The following GRIN2A variants were observed in gnomAD, a reference collection of about 807,000 sequenced individuals.
The protein encoded by GRIN2A is glutamate receptor ionotropic, NMDA 2A.
In GRIN2A, 22 loss-of-function variants were observed where a neutral mutation model predicts 113.4. The ratio of observed to expected loss-of-function variants is 0.19; its 90% confidence interval spans 0.14 to 0.28. The LOEUF is 0.28. Ranked by LOEUF, GRIN2A falls within the 10% of genes least tolerant of loss-of-function variation. The probability of loss-of-function intolerance (pLI) is 1.00; values close to 1 mark genes in which losing one functional copy is unlikely to be tolerated. For synonymous variants in GRIN2A, 827 were observed against 738.4 expected (o/e 1.12, Z -1.94); for missense variants, 1,502 against 1,887.0 (o/e 0.80, Z 3.78).
chr16:9,968,836 A>G (rs985834979), intron 2 of GRIN2A, among the ~76,000 whole-genome samples: 1 of 151,746 alleles, frequency 6.6e-6, no homozygotes, highest in East Asian at 1.9e-4. Flanking sequence ...CAAACTCCCA[A>G]CCTCAGGTGA....
intron 5 of GRIN2A, among the ~76,000 whole-genome samples, chr16:9,849,290 T>C (rs2042836845): frequency 6.7e-6 from 1 of 148,976 alleles, no homozygotes; most frequent in African/African-American, 2.4e-5. Flanking sequence ...AAATGTTTTC[T>C]ATATTAAAAA....
At chr16:10,059,926 G>C (rs1054957713) in intron 2 of GRIN2A, among the ~76,000 whole-genome samples, 6 of 152,100 alleles carry the variant, frequency 3.9e-5, no homozygotes, top group African/African-American at 1.4e-4. Context: ...GGGACACAGA[G>C]AGAAAAGGAA....
intron 3 of GRIN2A, among the ~76,000 whole-genome samples, chr16:9,924,792 A>G (rs1307637204): frequency 6.6e-6 from 1 of 152,126 alleles, no homozygotes; most frequent in East Asian, 1.9e-4. Context: ...TTCAATGTCA[A>G]ACCTGCCATT....
intron 2 of GRIN2A, among the ~76,000 whole-genome samples, chr16:10,127,009 C>T (rs1448253): frequency 0.85 from 128,924 of 152,154 alleles, 55,368 homozygotes; most frequent in East Asian, 1. Flanking sequence ...CCAATGCTCA[C>T]ACGCTTGCCC....
rs558774634 is a variant in GRIN2A, at chr16:9,990,032, G to A, written c.415-51481C>T. The stretch of plus-strand genomic sequence containing the variant: ...TTCTACCCAGCAATCCCATCACTGG[G>A]TATATGCCCAAAGGAAAATAAATGG... On this transcript the variant is annotated intron_variant, in intron 2 of 12. Transcript: ENST00000330684. 8.3e-4 allele frequency among the ~76,000 whole-genome samples: 127 copies of A among 152,262 alleles called. 3 individuals are homozygous for A. The South Asian group carries it at 0.026, about 31-fold the overall frequency.
intron 2 of GRIN2A, among the ~76,000 whole-genome samples, chr16:10,146,125 A>T (rs1035444307): frequency 2.7e-5 from 4 of 149,978 alleles, no homozygotes; most frequent in Admixed American, 6.7e-5. Flanking sequence ...TTTATTCAAC[A>T]TTTTTTTTTT....
chr16:9,947,529 G>A (rs941066539), intron 2 of GRIN2A, among the ~76,000 whole-genome samples: 10 of 152,210 alleles, frequency 6.6e-5, no homozygotes, highest in Non-Finnish European at 8.8e-5. Flanking sequence ...CTAGGGGCAG[G>A]CCCTGGTGGT....
intron 2 of GRIN2A, among the ~76,000 whole-genome samples, chr16:9,959,835 G>A (rs1219852242): frequency 2.0e-5 from 3 of 152,176 alleles, no homozygotes; most frequent in Non-Finnish European, 4.4e-5. Context: ...CTACCTGGGC[G>A]TGGTGGCGCA....
At chr16:10,063,865 A>G (rs2047596150) in intron 2 of GRIN2A, among the ~76,000 whole-genome samples, 1 of 152,142 alleles carries the variant, frequency 6.6e-6, no homozygotes, top group South Asian at 2.1e-4. Flanking sequence ...CCGGGCTGAT[A>G]ATGGAGCAAA....
At chr16:9,977,419 G>GA (rs1248866702) in intron 2 of GRIN2A, among the ~76,000 whole-genome samples, 1 of 152,092 alleles carries the variant, frequency 6.6e-6, no homozygotes, top group Non-Finnish European at 1.5e-5. Flanking sequence ...CTGTAAAACT[G>GA]AAAAAATAGT....
chr16:9,881,269 T>C (rs1338926169), intron 4 of GRIN2A, among the ~76,000 whole-genome samples: 1 of 152,228 alleles, frequency 6.6e-6, no homozygotes, highest in African/African-American at 2.4e-5. Flanking sequence ...CTTCTTTCCT[T>C]TTCCTCTGTA....
chr16:9,777,640 T>C (rs1372962612), intron 11 of GRIN2A, among the ~76,000 whole-genome samples: 2 of 152,238 alleles, frequency 1.3e-5, no homozygotes, highest in South Asian at 2.1e-4. Flanking sequence ...TTCTGCTCCA[T>C]GGATGAAACT....
intron 2 of GRIN2A, among the ~76,000 whole-genome samples, chr16:10,060,956 G>C (rs939562045): frequency 6.6e-6 from 1 of 152,128 alleles, no homozygotes; most frequent in Non-Finnish European, 1.5e-5. Context: ...ACCCAATGTC[G>C]GTTCTCCTTT....
chr16:9,830,046 T>C (rs1160025518), intron 8 of GRIN2A, among the ~76,000 whole-genome samples: 2 of 152,206 alleles, frequency 1.3e-5, no homozygotes, highest in African/African-American at 4.8e-5. Flanking sequence ...TCCAAATTCA[T>C]CGGATGTGCT....
chr16:9,953,726 A>G (rs2045236384), intron 2 of GRIN2A, among the ~76,000 whole-genome samples: 1 of 152,140 alleles, frequency 6.6e-6, no homozygotes, highest in Non-Finnish European at 1.5e-5. Flanking sequence ...AAGCCACGGG[A>G]GTAGAGAGCT....
intron 2 of GRIN2A, among the ~76,000 whole-genome samples, chr16:10,091,511 G>A (rs1390924608): frequency 2.6e-5 from 4 of 151,670 alleles, no homozygotes; most frequent in Non-Finnish European, 5.9e-5. Context: ...AAATTAGCTG[G>A]GTGTGGTAGT....
At chr16:9,903,049 AC>A (rs550959002) in intron 3 of GRIN2A, among the ~76,000 whole-genome samples, 67 of 147,662 alleles carry the variant, frequency 4.5e-4, no homozygotes, top group African/African-American at 1.6e-3. Context: ...GCTCATTGCA[AC>A]CCCCACCTCC....
intron 4 of GRIN2A, among the ~76,000 whole-genome samples, chr16:9,862,084 G>T (rs2043079105): frequency 6.6e-6 from 1 of 152,136 alleles, no homozygotes; most frequent in Non-Finnish European, 1.5e-5. Context: ...TGCTCCGTGT[G>T]GTCTAAGGAC....
chr16:9,826,931 T>C (rs1432477087), intron 9 of GRIN2A, among the ~76,000 whole-genome samples: 2 of 152,188 alleles, frequency 1.3e-5, no homozygotes, highest in Non-Finnish European at 2.9e-5. Flanking sequence ...AAAAGCAAAA[T>C]ATGCTGCCAA....
Sources: gnomAD v4.1 joint callset for allele counts (sites outside exome capture counted in the v4.1 genomes callset) on GRCh38, gnomAD v4.1.1 for gene constraint, MANE v1.5 for transcripts, NCBI Gene and HGNC (gene_info 2026-07-23, HGNC 2026-07-21) for gene names.